HAT1: variants seen among roughly 807,000 people sequenced by gnomAD.
HAT1 encodes histone acetyltransferase 1, also known as histone acetyltransferase type B catalytic subunit.
HAT1 carries 20 observed loss-of-function variants against 56.6 expected under a neutral mutation model. That is an observed-to-expected ratio of 0.35 (90% CI 0.25 to 0.51). The LOEUF is 0.51. HAT1 is among the 20% of genes least tolerant of loss of function. The pLI is 0.95. For synonymous variants in HAT1, 146 were observed against 165.5 expected, an observed-to-expected ratio of 0.88 and a Z score of 0.91; for missense variants, 408 against 504.3, an observed-to-expected ratio of 0.81 and a Z score of 1.83.
rs113634329 is a variant in HAT1, at chr2:171,972,298, C to T, written c.824-3859C>T. On this transcript the variant is annotated intron_variant, in intron 8 of 10. Transcript: ENST00000264108. ...GGGTAGTGTTTGAGACAGGGTGTTG[C>T]TCTGTCACCCAGGCTGGAGTGCAGT... Among the ~76,000 whole-genome samples, 51 of 146,454 alleles carry T rather than the reference C, an allele frequency of 3.5e-4. 2 individuals are homozygous for T. Among genetic ancestry groups the T allele is most frequent in the African/African-American group, 1.3e-3 (51 of 39,538 alleles).
intron 2 of HAT1, among the ~76,000 whole-genome samples, chr2:171,943,533 G>A (rs1217548835): frequency 8.5e-6 from 1 of 117,404 alleles, no homozygotes; most frequent in Non-Finnish European, 1.8e-5. Context: ...TTAAATTTTT[G>A]TTATGAAACA....
chr2:171,958,925 G>A (rs1687510925), intron 4 of HAT1, among the ~76,000 whole-genome samples: 1 of 152,152 alleles, frequency 6.6e-6, no homozygotes, highest in African/African-American at 2.4e-5. Context: ...AAAAAGATCT[G>A]AAGTAGTTTC....
chr2:171,935,045 C>T (rs1249658985), intron 2 of HAT1, among the ~76,000 whole-genome samples: 4 of 151,322 alleles, frequency 2.6e-5, no homozygotes, highest in Non-Finnish European at 4.4e-5. Context: ...CGTGAGCCAC[C>T]GCGCCTGGCC....
At chr2:171,967,025 G>A in intron 8 of HAT1, 76 bp downstream of exon 8, 1 of 701,890 alleles carries the variant, frequency 1.4e-6, no homozygotes, top group South Asian at 1.7e-5. Flanking sequence ...ATTTTTGTCA[G>A]AAATAACTAT....
intron 2 of HAT1, among the ~76,000 whole-genome samples, chr2:171,926,987 A>G (rs958497202): frequency 2.0e-5 from 3 of 152,266 alleles, no homozygotes; most frequent in Admixed American, 6.5e-5. Flanking sequence ...TGAAATTCTG[A>G]TACCTATTGC....
intron 3 of HAT1, among the ~76,000 whole-genome samples, chr2:171,951,604 T>TTG (rs1231118165): frequency 7.5e-5 from 11 of 145,806 alleles, no homozygotes; most frequent in African/African-American, 2.9e-4. Context: ...TTTTTTTTTT[T>TTG]GTAGTTTTAG....
rs759909659 is a variant in HAT1 at position 171,965,334 on chromosome 2, T to G, written c.310-4T>G. 2 of 1,559,576 alleles carry G rather than the reference T, an allele frequency of 1.3e-6. No homozygotes were observed. On this transcript the variant is annotated splice_polypyrimidine_tract_variant and splice_region_variant and intron_variant, in intron 4 of 10. Transcript: ENST00000264108. ...ATTAATTTTTTATATCCTTTATTCT[T>G]TAGGCAGATGATGTTGAGGGCAAAA...
chr2:171,979,202 A>G (rs754387148), intron 9 of HAT1, 45 bp from the exon 10 acceptor site: 1 of 878,234 alleles, frequency 1.1e-6, no homozygotes, highest in Non-Finnish European at 1.8e-6. Context: ...AAGTGTCATT[A>G]TTTTTACTTT....
chr2:171,928,804 G>A lies in HAT1; in HGVS notation c.112+3163G>A, dbSNP rs529542166. 6.6e-5 allele frequency among the ~76,000 whole-genome samples: 10 copies of A among 152,254 alleles called. No homozygotes were observed. In the South Asian group the frequency reaches 8.3e-4, roughly 13 times the overall value. ...ATTACAGGCGTGAGCCACCGTGCCC[G>A]GCAGTTCATTCCTTTTTATTGCTGA... On this transcript the variant is annotated intron_variant, in intron 2 of 10. Coordinates refer to ENST00000264108, the MANE Select transcript of HAT1 (RefSeq NM_003642.4).
intron 10 of HAT1, chr2:171,980,068 G>C (rs2105349604): frequency 6.6e-6 from 1 of 152,364 alleles, no homozygotes; most frequent in South Asian, 2.1e-4. Context: ...AGTGAGCTGA[G>C]ATTGTGCCAC....
chr2:171,936,438 G>T (rs1686875158), intron 2 of HAT1, among the ~76,000 whole-genome samples: 1 of 152,200 alleles, frequency 6.6e-6, no homozygotes, highest in African/African-American at 2.4e-5. Context: ...AGAGGTTGGG[G>T]ATATGGAGAA....
chr2:171,945,163 G>A (rs1026691960), intron 2 of HAT1, among the ~76,000 whole-genome samples: 20 of 151,908 alleles, frequency 1.3e-4, no homozygotes, highest in African/African-American at 4.1e-4. Flanking sequence ...GAGCCACCGC[G>A]CCCAGCCCTC....
intron 4 of HAT1, among the ~76,000 whole-genome samples, chr2:171,962,153 CAAT>C (rs1160250031): frequency 6.6e-6 from 1 of 151,912 alleles, no homozygotes; most frequent in Non-Finnish European, 1.5e-5. Flanking sequence ...TCGCTTTATT[CAAT>C]AATGAGGAAA....
intron 4 of HAT1, among the ~76,000 whole-genome samples, chr2:171,958,173 A>G (rs1009146959): frequency 1.3e-5 from 2 of 152,150 alleles, no homozygotes; most frequent in Admixed American, 1.3e-4. Context: ...CCAAAGTCAT[A>G]CAACTAGTAA....
At chr2:171,937,600 A>G (rs1382342948) in intron 2 of HAT1, among the ~76,000 whole-genome samples, 1 of 152,242 alleles carries the variant, frequency 6.6e-6, no homozygotes, top group Non-Finnish European at 1.5e-5. Flanking sequence ...GGTATAGTAT[A>G]TAAGTGAGAA....
chr2:171,968,644 G>T (rs943618800), intron 8 of HAT1, among the ~76,000 whole-genome samples: 18 of 152,076 alleles, frequency 1.2e-4, no homozygotes, highest in Non-Finnish European at 2.4e-4. Flanking sequence ...TGACAACTGG[G>T]TATTGGCCTT....
chr2:171,955,617 A>AAAATAAAT (rs200706048), intron 4 of HAT1, among the ~76,000 whole-genome samples: 1 of 152,028 alleles, frequency 6.6e-6, no homozygotes, highest in Non-Finnish European at 1.5e-5. Flanking sequence ...CTCCATCTCA[A>AAAATAAAT]AAATAAATAA....
In HAT1 at chr2:171,966,442, C is replaced by T. The variant is rs370978033; in HGVS notation, c.645C>T (p.Leu215=). 7 of 1,600,352 alleles carry T rather than the reference C, an allele frequency of 4.4e-6. No individual in the cohort carries two copies. In the African/African-American group the frequency reaches 8.0e-5, roughly 18 times the overall value. Residue 215 remains leucine, a synonymous_variant, in exon 7 of 11, where the codon CTC becomes CTT. Coordinates refer to ENST00000264108, the MANE Select transcript of HAT1 (RefSeq NM_003642.4). ...AGTATAATAAGGATGGAGCTACGCT[C>T]TTTGCGACCGTAGGCTACATGACAG... ...FEKYNKDGAT[L]FATVGYMTVY...
intron 2 of HAT1, among the ~76,000 whole-genome samples, chr2:171,932,493 T>C (rs529935511): frequency 2.0e-5 from 3 of 152,168 alleles, no homozygotes; most frequent in Non-Finnish European, 4.4e-5. Context: ...GTTTTGGTGA[T>C]TTTTGTCTTT....
Sources: allele counts gnomAD v4.1 joint callset (sites outside exome capture counted in the v4.1 genomes callset), GRCh38; gene constraint gnomAD v4.1.1; transcripts MANE v1.5; gene names NCBI Gene and HGNC (gene_info 2026-07-23, HGNC 2026-07-21).